The following SWT1 variants were observed in gnomAD, a reference collection of about 807,000 sequenced individuals.
SWT1 encodes the protein transcriptional protein SWT1.
SWT1 carries 33 observed loss-of-function variants against 107.3 expected under a neutral mutation model. The ratio of observed to expected loss-of-function variants is 0.31; its 90% confidence interval spans 0.23 to 0.41. The LOEUF (loss-of-function observed/expected upper bound fraction) is 0.41. SWT1 is among the 10% of genes least tolerant of loss of function. The probability of loss-of-function intolerance (pLI) is 1.00; values close to 1 mark genes in which losing one functional copy is unlikely to be tolerated. For synonymous variants in SWT1, 345 were observed against 348.3 expected (o/e 0.99, Z 0.11); for missense variants, 898 against 1,028.9 (o/e 0.87, Z 1.74).
At chr1:185,160,063 C>T (rs1654010382) in intron 1 of SWT1, among the ~76,000 whole-genome samples, 1 of 152,026 alleles carries the variant, frequency 6.6e-6, no homozygotes, top group South Asian at 2.1e-4. Context: ...CCTCAAAAAC[C>T]CTGTGGGATG....
At position 185,175,036 on chromosome 1, in the gene SWT1, G is replaced by A; in HGVS notation, c.889G>A (p.Val297Ile). 1 of 1,602,168 alleles carries A rather than the reference G, an allele frequency of 6.2e-7. No individual in the cohort carries two copies. The highest frequency in any genetic ancestry group is 8.5e-7 in the Non-Finnish European group (1 of 1,175,454). The change falls in exon 5 of 19, where the codon GTT becomes ATT. Residue 297 changes from valine to isoleucine, a missense_variant. This residue lies in a region of SWT1 where 382 missense variants were observed against 362.4 expected (regional missense o/e 1.05). Transcript: ENST00000367500. ...TTCAGATTTTACATATAAGCGGACT[G>A]TTCATGAGTGGAAACGAAAACATCA... ...LLSDFTYKRTVHEWKRKHHYD... is the reference protein window; with the variant it reads ...LLSDFTYKRTIHEWKRKHHYD...
chr1:185,165,286 A>G (rs1654475137), intron 2 of SWT1, among the ~76,000 whole-genome samples: 1 of 152,208 alleles, frequency 6.6e-6, no homozygotes, highest in African/African-American at 2.4e-5. Context: ...AAACATTTGA[A>G]ATACTGTGAG....
In SWT1 at chr1:185,184,777, C is replaced by T. The variant is rs143679022; in HGVS notation, c.1275C>T (p.Val425=). ...FDKLVLIIPW[V]VMQELDRMKE... is the part of the protein sequence containing the mutation. Reference sequence around the variant, plus strand: ...AACTTGTGTTAATAATTCCCTGGGTCGTTATGCAAGAGCTAGATCGTATGA... The same window carrying T: ...AACTTGTGTTAATAATTCCCTGGGTTGTTATGCAAGAGCTAGATCGTATGA... Residue 425 remains valine (V), a synonymous_variant, in exon 9 of 19, where the codon GTC becomes GTT. Coordinates refer to ENST00000367500, the MANE Select transcript of SWT1 (RefSeq NM_017673.7). 522 of 1,610,278 alleles carry T rather than the reference C, an allele frequency of 3.2e-4. 2 individuals are homozygous for T. The African/African-American group carries it at 5.8e-3, about 18-fold the overall frequency.
chr1:185,252,688 T>C (rs1367683506), intron 16 of SWT1, among the ~76,000 whole-genome samples: 2 of 152,240 alleles, frequency 1.3e-5, no homozygotes, highest in Non-Finnish European at 2.9e-5. Flanking sequence ...ATTAGCCCTT[T>C]GTCAGATGAG....
At chr1:185,170,723 C>T (rs949688683) in intron 4 of SWT1, among the ~76,000 whole-genome samples, 5 of 152,196 alleles carry the variant, frequency 3.3e-5, no homozygotes, top group Admixed American at 6.5e-5. Flanking sequence ...TTTTAACAGT[C>T]GTTGTCCAGA....
At chr1:185,163,835 T>C (rs1654359566) in intron 2 of SWT1, among the ~76,000 whole-genome samples, 1 of 152,202 alleles carries the variant, frequency 6.6e-6, no homozygotes, top group Non-Finnish European at 1.5e-5. Flanking sequence ...AATCAACTTT[T>C]CCAAACTCCT....
At chr1:185,238,851 C>T (rs1037880635) in intron 16 of SWT1, among the ~76,000 whole-genome samples, 3 of 151,728 alleles carry the variant, frequency 2.0e-5, no homozygotes, top group Non-Finnish European at 4.4e-5. Flanking sequence ...AAAAGAAGCT[C>T]AGTTTAAAAA....
intron 2 of SWT1, among the ~76,000 whole-genome samples, chr1:185,163,122 T>G (rs1654291952): frequency 6.6e-6 from 1 of 152,188 alleles, no homozygotes; most frequent in African/African-American, 2.4e-5. Context: ...GATGGGGTGC[T>G]GTGGCAGCGT....
chr1:185,204,312 G>GA (rs748813816), intron 11 of SWT1, among the ~76,000 whole-genome samples: 1 of 151,796 alleles, frequency 6.6e-6, no homozygotes, highest in East Asian at 1.9e-4. Flanking sequence ...TCCATTTTTG[G>GA]AAAAAAACCC....
At chr1:185,189,430 T>C (rs1168584840) in intron 9 of SWT1, among the ~76,000 whole-genome samples, 2 of 152,214 alleles carry the variant, frequency 1.3e-5, no homozygotes, top group Non-Finnish European at 2.9e-5. Context: ...TTCTCCTGTA[T>C]ACCTCTAATT....
chr1:185,211,055 A>G (rs1271638239), intron 13 of SWT1, among the ~76,000 whole-genome samples: 1 of 152,232 alleles, frequency 6.6e-6, no homozygotes, highest in Non-Finnish European at 1.5e-5. Context: ...ACACAAACAA[A>G]TGGAAAAACA....
chr1:185,282,845 G>T (rs1664720420), intron 18 of SWT1, among the ~76,000 whole-genome samples: 1 of 152,078 alleles, frequency 6.6e-6, no homozygotes, highest in African/African-American at 2.4e-5. Context: ...TTGTTGAGTG[G>T]AGTATATGAG....
chr1:185,159,989 A>G (rs558865188), intron 1 of SWT1, among the ~76,000 whole-genome samples: 2 of 152,178 alleles, frequency 1.3e-5, no homozygotes, highest in African/African-American at 2.4e-5. Flanking sequence ...CTCCCAAAGT[A>G]TTGGGATTAC....
chr1:185,169,013 TAAG>T (rs1178306123), intron 4 of SWT1, among the ~76,000 whole-genome samples: 3 of 152,082 alleles, frequency 2.0e-5, no homozygotes, highest in African/African-American at 4.8e-5. Context: ...TCTCCAAAAA[TAAG>T]AAGTTAAGGG....
At chr1:185,265,062 A>G (rs1445108412) in intron 16 of SWT1, among the ~76,000 whole-genome samples, 1 of 152,134 alleles carries the variant, frequency 6.6e-6, no homozygotes, top group Non-Finnish European at 1.5e-5. Flanking sequence ...AAAATAAAAG[A>G]TTTCTAGTAT....
chr1:185,172,864 T>C (rs962641789), intron 4 of SWT1, among the ~76,000 whole-genome samples: 1 of 151,908 alleles, frequency 6.6e-6, no homozygotes, highest in Admixed American at 6.6e-5. Context: ...GCCAACATGA[T>C]GAAACCCCGT....
At chr1:185,219,423 C>T (rs1054190484) in intron 14 of SWT1, among the ~76,000 whole-genome samples, 3 of 151,986 alleles carry the variant, frequency 2.0e-5, no homozygotes, top group African/African-American at 7.3e-5. Flanking sequence ...ATAACAAATG[C>T]TCAATAAATA....
chr1:185,179,248 A>C (rs1655827016), intron 5 of SWT1, among the ~76,000 whole-genome samples: 1 of 152,170 alleles, frequency 6.6e-6, no homozygotes, highest in South Asian at 2.1e-4. Flanking sequence ...CACCCTGGGC[A>C]ACAGAGCGAG....
chr1:185,280,556 G>T (rs562497109), intron 18 of SWT1, among the ~76,000 whole-genome samples: 169 of 152,152 alleles, frequency 1.1e-3, no homozygotes, highest in African/African-American at 3.7e-3. Flanking sequence ...GCAACTCTTG[G>T]TGGGCTCCTG....
Sources: gnomAD v4.1 joint callset for allele counts (sites outside exome capture counted in the v4.1 genomes callset) on GRCh38, gnomAD v4.1.1 for gene constraint, gnomAD v4.1.1 regional missense constraint, MANE v1.5 for transcripts, NCBI Gene and HGNC (gene_info 2026-07-23, HGNC 2026-07-21) for gene names.